Variants in WDR73 observed in about 807,000 individuals in gnomAD.
The protein encoded by WDR73 is integrator complex assembly factor WDR73.
WDR73 carries 30 observed loss-of-function variants against 38.2 expected under a neutral mutation model. The observed-to-expected ratio is 0.79, with a 90% CI of 0.59 to 1.06. The LOEUF (loss-of-function observed/expected upper bound fraction) is 1.06, where lower values mean the gene tolerates loss of function less well. WDR73 is among the 50% of genes least tolerant of loss of function. The pLI is 0.00. For synonymous variants in WDR73, 197 were observed against 176.0 expected (o/e 1.12, Z -0.94); for missense variants, 487 against 467.0 (o/e 1.04, Z -0.40).
In WDR73 at chr15:84,652,631, A is replaced by G. The variant is rs145079583; in HGVS notation, c.198+83T>C. 20,216 of 831,286 alleles carry G rather than the reference A, an allele frequency of 0.024. 310 individuals carry two copies. The highest frequency in any genetic ancestry group is 0.03 in the Non-Finnish European group (16,362 of 540,540). The allele number at this position is 831,286 out of a possible 1,614,324, so 51.5% of individuals were successfully genotyped here. A position where few individuals can be genotyped will look rare whatever the true frequency, so the allele number is the denominator to read the frequency against. On this transcript the variant is annotated intron_variant, in intron 3 of 7. Coordinates refer to ENST00000434634, the MANE Select transcript of WDR73 (RefSeq NM_032856.5). ...TTCTCTCTTTCTAGTATCCAGGACA[A>G]TACCTGGTAGATAACAGGAGCTCCA...
At position 84,639,723 on chromosome 15, in the gene WDR73, T is replaced by A. The variant is rs1896202282; in HGVS notation, c.*3747A>T. On this transcript the variant is annotated 3_prime_UTR_variant, in exon 8 of 8. Transcript: ENST00000434634. The stretch of plus-strand genomic sequence containing the variant: ...CTGGAGGATGAGAAGGTGGCAGGAG[T>A]GCACTGGGGATACAAAGAAACCAAG... 6.6e-6 allele frequency: 1 copy of A among 151,398 alleles called. No individual in the cohort carries two copies. The highest frequency in any genetic ancestry group is 2.1e-4 in the South Asian group (1 of 4,786). The allele number at this position is 151,398 out of a possible 1,614,324, so 9.4% of individuals were successfully genotyped here.
intron 3 of WDR73, among the ~76,000 whole-genome samples, chr15:84,652,370 C>T (rs759142969): frequency 1.3e-5 from 2 of 152,212 alleles, no homozygotes; most frequent in Admixed American, 6.5e-5. Context: ...CCTGAGGTTC[C>T]GTCCTCACTA....
intron 4 of WDR73, 121 bp downstream of exon 4, chr15:84,648,416 C>T (rs553368911): frequency 4.2e-6 from 3 of 721,532 alleles, no homozygotes; most frequent in African/African-American, 3.5e-5. Context: ...CACTTGTGCA[C>T]TCACATGTGC....
intron 3 of WDR73, among the ~76,000 whole-genome samples, chr15:84,651,420 T>C (rs1435723980): frequency 6.6e-6 from 1 of 152,102 alleles, no homozygotes; most frequent in Non-Finnish European, 1.5e-5. Context: ...GAGCAAGCCC[T>C]TGTCTCAAAA....
intron 7 of WDR73, chr15:84,645,167 C>G: frequency 2.5e-6 from 3 of 1,223,754 alleles, no homozygotes; most frequent in Non-Finnish European, 3.1e-6. Context: ...AGCCACTGTC[C>G]CCTTTTCTTT....
intron 2 of WDR73, 145 bp downstream of exon 2, chr15:84,653,487 G>A: frequency 1.6e-6 from 1 of 621,124 alleles, no homozygotes; most frequent in Non-Finnish European, 2.9e-6. Context: ...TTAATAAGAG[G>A]AATATTAGTG....
rs753827658 is a variant in WDR73, at chr15:84,645,873, G to A, written c.518-37C>T. ...ACAGCAAAGGAGACAAGCGGCTGGA[G>A]GCAGATGGGTCTGGCAATTTGGCAG... On this transcript the variant is annotated intron_variant, in intron 6 of 7. Coordinates refer to ENST00000434634, the MANE Select transcript of WDR73 (RefSeq NM_032856.5). The A allele has an allele frequency of 1.7e-5, 28 of 1,612,320 alleles. No homozygotes were observed. In the Middle Eastern group the frequency reaches 6.6e-4, roughly 38 times the overall value.
At chr15:84,654,189 C>G in intron 1 of WDR73, 45 bp downstream of exon 1, 3 of 1,613,620 alleles carry the variant, frequency 1.9e-6, no homozygotes, top group Non-Finnish European at 2.5e-6. Context: ...GCCCGCCAGG[C>G]AAGCTCCAGG....
Position 84,643,272 on chromosome 15 carries a change from T to A in WDR73, c.*198A>T. ...TTATGCCATGCGTTTCTTCTAACCTTCGCAATATCACTACGAGGTAGTTCT... is the reference window on the plus strand; with the variant it reads ...TTATGCCATGCGTTTCTTCTAACCTACGCAATATCACTACGAGGTAGTTCT... On this transcript the variant is annotated 3_prime_UTR_variant, in exon 8 of 8. Coordinates refer to ENST00000434634, the MANE Select transcript of WDR73 (RefSeq NM_032856.5). 2 of 631,890 alleles carry A rather than the reference T, an allele frequency of 3.2e-6. No homozygotes were observed. The highest frequency in any genetic ancestry group is 5.4e-6 in the Non-Finnish European group (2 of 370,610). 39.1% of individuals were successfully genotyped at this position (631,890 alleles called of 1,614,324 possible).
rs147659526 is a variant in WDR73, at chr15:84,642,070, G to A, written c.*1400C>T. 7.6e-3 allele frequency: 1,161 copies of A among 152,182 alleles called. 8 individuals are homozygous for A. Among genetic ancestry groups the A allele is most frequent in the Non-Finnish European group, 0.012 (828 of 68,054 alleles). 9.4% of individuals were successfully genotyped at this position (152,182 alleles called of 1,614,324 possible). ...CAGGAGAAATCCCCTGGCCGGGCGC[G>A]GTGGCTCACACCTGTAATCCCAGCT... On this transcript the variant is annotated 3_prime_UTR_variant, in exon 8 of 8. Transcript: ENST00000434634.
chr15:84,653,389 C>T, intron 2 of WDR73: 2 of 403,212 alleles, frequency 5.0e-6, no homozygotes, highest in Non-Finnish European at 9.4e-6. Context: ...AGACTGGTCT[C>T]GAACTCCTGA....
chr15:84,651,938 G>T (rs936907766), intron 3 of WDR73, among the ~76,000 whole-genome samples: 1 of 152,118 alleles, frequency 6.6e-6, no homozygotes, highest in Non-Finnish European at 1.5e-5. Flanking sequence ...CACGATCTCA[G>T]CTCACTACAA....
At chr15:84,645,301 G>A (rs1269109998) in intron 7 of WDR73, 170 bp downstream of exon 7, 25 of 1,509,614 alleles carry the variant, frequency 1.7e-5, no homozygotes, top group Non-Finnish European at 2.2e-5. Context: ...TAGTAGCCAG[G>A]GTAGGAAAAG....
intron 4 of WDR73, 53 bp downstream of exon 4, chr15:84,648,484 C>T: frequency 1.5e-6 from 2 of 1,360,920 alleles, no homozygotes; most frequent in East Asian, 2.3e-5. Context: ...CAGGCATTTG[C>T]AGCCATCCCA....
At position 84,652,087 on chromosome 15, in the gene WDR73, C is replaced by T. The variant is rs1158320378; in HGVS notation, c.198+627G>A. Reference sequence around the variant, plus strand: ...TTCACCATGTTGGTCAGGATGGTCCCGAACTCCTGACCTCATGATCCGCCC... The same window carrying T: ...TTCACCATGTTGGTCAGGATGGTCCTGAACTCCTGACCTCATGATCCGCCC... On this transcript the variant is annotated intron_variant, in intron 3 of 7. Coordinates refer to ENST00000434634, the MANE Select transcript of WDR73 (RefSeq NM_032856.5). Among the ~76,000 whole-genome samples the T allele has an allele frequency of 3.3e-5, 5 of 152,064 alleles. No individual in the cohort carries two copies. The East Asian group carries it at 7.7e-4, about 23-fold the overall frequency.
intron 7 of WDR73, chr15:84,644,939 CTTT>C (rs66834221): frequency 7.2e-5 from 10 of 139,270 alleles, no homozygotes; most frequent in South Asian, 4.4e-4. Context: ...GTCCCTGCTG[CTTT>C]TTTTTTTTTT....
In WDR73 at chr15:84,641,692, T is replaced by C. The variant is rs541529267; in HGVS notation, c.*1778A>G. On this transcript the variant is annotated 3_prime_UTR_variant, in exon 8 of 8. Transcript: ENST00000434634. ...ACCATGCCCGTCTCTAATTTTTATA[T>C]TTTTAGTAGAGACGGGGTTTCACCA... 1 of 152,076 alleles carries C rather than the reference T, an allele frequency of 6.6e-6. No homozygotes were observed. The highest frequency in any genetic ancestry group is 1.9e-4 in the East Asian group (1 of 5,160). 9.4% of individuals were successfully genotyped at this position (152,076 alleles called of 1,614,324 possible). A position where few individuals can be genotyped will look rare whatever the true frequency, so the allele number is the denominator to read the frequency against.
At position 84,643,653 on chromosome 15, in the gene WDR73, C is replaced by A. The variant is rs765993542; in HGVS notation, c.954G>T (p.Arg318=). 1 of 1,068,278 alleles carries A rather than the reference C, an allele frequency of 9.4e-7. No individual in the cohort carries two copies. Among genetic ancestry groups the A allele is most frequent in the South Asian group, 1.8e-5 (1 of 56,024 alleles). The allele number at this position is 1,068,278 out of a possible 1,614,324, so 66.2% of individuals were successfully genotyped here. A position where few individuals can be genotyped will look rare whatever the true frequency, so the allele number is the denominator to read the frequency against. ...GAGTGAAGAGAGGTTCTACTTGGCT[C>A]CGTGTTCCATCTTGGCTCCGTGTTC... The part of the protein sequence containing the change: ...WDGTRSQDGT[R]SQVEPLFTHR... The change falls in exon 8 of 8, where the codon CGG becomes CGT. Residue 318 remains arginine, a synonymous_variant. Coordinates refer to ENST00000434634, the MANE Select transcript of WDR73 (RefSeq NM_032856.5).
intron 4 of WDR73, 189 bp from the exon 5 acceptor site, chr15:84,648,143 C>A: frequency 1.6e-6 from 1 of 627,104 alleles, no homozygotes; most frequent in South Asian, 1.9e-5. Context: ...GGAGACTGAG[C>A]CCAAGCTTCC....
Sources: allele counts gnomAD v4.1 joint callset (sites outside exome capture counted in the v4.1 genomes callset), GRCh38; gene constraint gnomAD v4.1.1; transcripts MANE v1.5; gene names NCBI Gene and HGNC (gene_info 2026-07-23, HGNC 2026-07-21).